MCF2L2: variants seen among roughly 807,000 people sequenced by gnomAD.
MCF2L2 encodes MCF.2 cell line derived transforming sequence-like 2.
A neutral mutation model predicts 150.2 loss-of-function variants in MCF2L2; 102 were observed. The ratio of observed to expected loss-of-function variants is 0.68; its 90% CI spans 0.58 to 0.80. MCF2L2 has a LOEUF of 0.80. Among genes scored for constraint, MCF2L2 ranks in the 30% least tolerant of loss-of-function variants. The probability of loss-of-function intolerance (pLI) is 0.00; values close to 1 mark genes in which losing one functional copy is unlikely to be tolerated. For synonymous variants in MCF2L2, 465 were observed against 491.3 expected (o/e 0.95, Z 0.71); for missense variants, 1,256 against 1,372.8 (o/e 0.91, Z 1.34).
At chr3:183,293,993 G>A (rs1005612920) in intron 13 of MCF2L2, among the ~76,000 whole-genome samples, 2 of 152,164 alleles carry the variant, frequency 1.3e-5, no homozygotes, top group African/African-American at 4.8e-5. Context: ...ATATTGGTAA[G>A]ATAATAGTTC....
chr3:183,383,228 T>TTTATTTA (rs61134605), intron 2 of MCF2L2, among the ~76,000 whole-genome samples: 5 of 151,476 alleles, frequency 3.3e-5, no homozygotes, highest in African/African-American at 9.7e-5. Context: ...TTATTTATTT[T>TTTATTTA]ATTTATTTAT....
In MCF2L2 at chr3:183,215,981, C is replaced by A; in HGVS notation, c.2484G>T (p.Val828=). ...CTATGGAACATACCGGACATTCAGT[C>A]ACTGCTGCTAGGTCCACAGCCAACT... The part of the protein sequence containing the change: ...SCELAVDLAA[V]TECPDDIGKL... Residue 828 remains valine (V), a synonymous_variant, in exon 22 of 30, where the codon GTG becomes GTT. Coordinates refer to ENST00000328913, the MANE Select transcript of MCF2L2 (RefSeq NM_015078.4). 6.2e-7 allele frequency: 1 copy of A among 1,613,438 alleles called. No homozygotes were observed. Among genetic ancestry groups the A allele is most frequent in the South Asian group, 1.1e-5 (1 of 90,976 alleles).
chr3:183,216,553 T>A (rs1722926210), intron 21 of MCF2L2, among the ~76,000 whole-genome samples: 2 of 3,590 alleles, frequency 5.6e-4, no homozygotes, highest in Non-Finnish European at 6.9e-4. Flanking sequence ...GTATATATAT[T>A]ATATATATAT....
chr3:183,352,819 T>C (rs1711556307), intron 3 of MCF2L2, among the ~76,000 whole-genome samples: 2 of 152,358 alleles, frequency 1.3e-5, no homozygotes, highest in East Asian at 3.9e-4. Context: ...TTTGGTTATA[T>C]TAAAGTATAT....
chr3:183,399,555 A>C (rs1714632373), intron 1 of MCF2L2, among the ~76,000 whole-genome samples: 1 of 152,214 alleles, frequency 6.6e-6, no homozygotes. Context: ...AGTACACGGA[A>C]AGCACACTTA....
At chr3:183,280,630 C>G (rs1399775647) in intron 14 of MCF2L2, among the ~76,000 whole-genome samples, 1 of 151,968 alleles carries the variant, frequency 6.6e-6, no homozygotes, top group African/African-American at 2.4e-5. Flanking sequence ...GGGCAGATCA[C>G]CTGTGGTCAG....
At chr3:183,344,807 C>G (rs1730836398) in intron 3 of MCF2L2, among the ~76,000 whole-genome samples, 1 of 152,016 alleles carries the variant, frequency 6.6e-6, no homozygotes, top group African/African-American at 2.4e-5. Context: ...CTTTAAACAA[C>G]ACAGATCAAA....
In MCF2L2 at chr3:183,327,708, T is replaced by G. The variant is rs562704210; in HGVS notation, c.487-4357A>C. Among the ~76,000 whole-genome samples, 3 of 152,360 alleles carry G rather than the reference T, an allele frequency of 2.0e-5. No homozygotes were observed. In the South Asian group the frequency reaches 6.2e-4, roughly 32 times the overall value. On this transcript the variant is annotated intron_variant, in intron 5 of 29. Transcript: ENST00000328913. Reference sequence around the variant, plus strand: ...CTTTTAGAGAGCCTCTCCCTGTCTGTTATTTAGGCTGACATATCTCACATC... The same window carrying G: ...CTTTTAGAGAGCCTCTCCCTGTCTGGTATTTAGGCTGACATATCTCACATC...
In MCF2L2 at chr3:183,233,909, A is replaced by G. The variant is rs571327717; in HGVS notation, c.1863-2892T>C. On this transcript the variant is annotated intron_variant, in intron 15 of 29. Transcript: ENST00000328913. The stretch of plus-strand genomic sequence containing the variant: ...TTACAGCTCATTATTCTTTCTTATA[A>G]TCATTTTTGTGTCTATTTATAAATA... Among the ~76,000 whole-genome samples, 206 of 152,300 alleles carry G rather than the reference A, an allele frequency of 1.4e-3. 2 individuals carry two copies. The highest frequency in any genetic ancestry group is 0.01 in the Middle Eastern group (3 of 294).
intron 10 of MCF2L2, 59 bp from the exon 11 acceptor site, chr3:183,300,255 C>A: frequency 1.4e-6 from 2 of 1,437,892 alleles, no homozygotes; most frequent in Admixed American, 2.5e-5. Context: ...AGGCTGAGAG[C>A]TGCCTGGTAC....
intron 7 of MCF2L2, 129 bp downstream of exon 7, chr3:183,317,939 T>G (rs1729665126): frequency 8.6e-7 from 1 of 1,157,136 alleles, no homozygotes; most frequent in East Asian, 2.6e-5. Flanking sequence ...AGATGATCAG[T>G]GGCTTCCAAG....
chr3:183,228,022 T>TACACACACACACACACACAC (rs1220376722), intron 18 of MCF2L2: 2 of 25,512 alleles, frequency 7.8e-5, no homozygotes, highest in South Asian at 3.1e-3. Flanking sequence ...TATATATATA[T>TACACACACACACACACACAC]ACATATACAC....
At chr3:183,402,266 AC>A (rs1203742126) in intron 1 of MCF2L2, among the ~76,000 whole-genome samples, 1 of 148,158 alleles carries the variant, frequency 6.7e-6, no homozygotes, top group Non-Finnish European at 1.5e-5. Flanking sequence ...ACATGGTGAA[AC>A]CCCGTCTCTA....
intron 1 of MCF2L2, among the ~76,000 whole-genome samples, chr3:183,401,280 TAAAG>T (rs1260655389): frequency 6.6e-6 from 1 of 152,182 alleles, no homozygotes; most frequent in African/African-American, 2.4e-5. Flanking sequence ...TTTCCATAGT[TAAAG>T]AAAGAGCACA....
At chr3:183,201,691 C>T (rs905785925) in intron 25 of MCF2L2, among the ~76,000 whole-genome samples, 1 of 152,196 alleles carries the variant, frequency 6.6e-6, no homozygotes, top group Non-Finnish European at 1.5e-5. Flanking sequence ...GAGGGCATCC[C>T]TGTCTTCTGC....
At chr3:183,299,403 A>G (rs1293184805) in intron 11 of MCF2L2, 1 of 152,652 alleles carries the variant, frequency 6.6e-6, no homozygotes, top group Admixed American at 6.5e-5. Context: ...GGAATCTGCC[A>G]TATAACAGCT....
At chr3:183,369,312 A>G (rs1371455200) in intron 3 of MCF2L2, among the ~76,000 whole-genome samples, 1 of 151,988 alleles carries the variant, frequency 6.6e-6, no homozygotes, top group Admixed American at 6.6e-5. Context: ...ATATTAACCA[A>G]CCACCCAACA....
rs541432311 is a variant in MCF2L2, at chr3:183,315,530, G to A, written c.753+2538C>T. Among the ~76,000 whole-genome samples the A allele has an allele frequency of 2.1e-4, 32 of 152,306 alleles. No individual in the cohort carries two copies. The South Asian group carries it at 5.8e-3, about 28-fold the overall frequency. On this transcript the variant is annotated intron_variant, in intron 7 of 29. Transcript: ENST00000328913. Reference sequence around the variant, plus strand: ...TGTTTAACCAAATTAATGTAATAGAGTATAAATGTCAAATAATACTTCTAA... The same window carrying A: ...TGTTTAACCAAATTAATGTAATAGAATATAAATGTCAAATAATACTTCTAA...
chr3:183,331,198 T>C lies in MCF2L2; in HGVS notation c.486+7602A>G, dbSNP rs541989008. ...TATACCCCAAAGACTGCAGGAGTTATTCAAACTAGTCCATACTAAATCCTG... is the reference window on the plus strand; with the variant it reads ...TATACCCCAAAGACTGCAGGAGTTACTCAAACTAGTCCATACTAAATCCTG... On this transcript the variant is annotated intron_variant, in intron 5 of 29. Coordinates refer to ENST00000328913, the MANE Select transcript of MCF2L2 (RefSeq NM_015078.4). 2.0e-5 allele frequency among the ~76,000 whole-genome samples: 3 copies of C among 152,290 alleles called. No individual in the cohort carries two copies. In the South Asian group the frequency reaches 6.2e-4, roughly 32 times the overall value.
Sources: allele counts gnomAD v4.1 joint callset (sites outside exome capture counted in the v4.1 genomes callset), GRCh38; gene constraint gnomAD v4.1.1; transcripts MANE v1.5; gene names NCBI Gene and HGNC (gene_info 2026-07-23, HGNC 2026-07-21).